Variants in CDC42BPA observed in about 807,000 individuals in gnomAD.
The protein encoded by CDC42BPA is serine/threonine-protein kinase MRCK alpha.
In CDC42BPA, 80 loss-of-function variants were observed where a neutral mutation model predicts 223.5. The ratio of observed to expected loss-of-function variants is 0.36; its 90% CI spans 0.30 to 0.43. The LOEUF (loss-of-function observed/expected upper bound fraction) is 0.43. CDC42BPA is among the 20% of genes least tolerant of loss of function. The pLI, the probability that CDC42BPA is intolerant of heterozygous loss-of-function variation, is 1.00. For missense variants in CDC42BPA, 1,743 were observed against 2,099.9 expected (o/e 0.83, Z 3.32); for synonymous variants, 694 against 718.6 (o/e 0.97, Z 0.55).
chr1:227,010,950 A>G (rs1259868677), intron 34 of CDC42BPA: 1 of 1,365,014 alleles, frequency 7.3e-7, no homozygotes, highest in Non-Finnish European at 9.8e-7. Flanking sequence ...TTATGGAATC[A>G]GGAGAGAGAA....
rs752767194 is a variant in CDC42BPA at position 226,994,327 on chromosome 1, G to GA, written c.5205_5206insT (p.Pro1736SerfsTer13). 3 of 1,599,580 alleles carry GA rather than the reference G, an allele frequency of 1.9e-6. No homozygotes were observed. The highest frequency in any genetic ancestry group is 2.6e-6 in the Non-Finnish European group (3 of 1,171,932). ...AGGGAGAGGCTCTTGGTTTTTCGGGGTGAAGCTGGGCTTGGGGGGCTGCTT... is the reference window on the plus strand; with the variant it reads ...AGGGAGAGGCTCTTGGTTTTTCGGGGATGAAGCTGGGCTTGGGGGGCTGCTT... On this transcript the variant is annotated frameshift_variant, in exon 37 of 37. Coordinates refer to ENST00000366766, the MANE Select transcript of CDC42BPA (RefSeq NM_001394014.1). LOFTEE classifies it high-confidence loss of function. This position sits in a 1 kb window ranked among gnomAD's most constrained non-coding sequence, Gnocchi z 4.0.
intron 5 of CDC42BPA, among the ~76,000 whole-genome samples, chr1:227,174,232 T>C (rs1232488470): frequency 6.6e-6 from 1 of 152,140 alleles, no homozygotes; most frequent in East Asian, 1.9e-4. Context: ...TTCACAATAC[T>C]ATAAAAATAG....
At position 227,101,255 on chromosome 1, in the gene CDC42BPA, C is replaced by A; in HGVS notation, c.2002-16G>T. On this transcript the variant is annotated splice_polypyrimidine_tract_variant and intron_variant, in intron 14 of 36. Coordinates refer to ENST00000366766, the MANE Select transcript of CDC42BPA (RefSeq NM_001394014.1). ...TTTGTTTTTGCTATAGAAATAATAA[C>A]AAAAGATTAGTGCATCTACAAGAAT... is the stretch of plus-strand genomic sequence containing the variant. 6.8e-7 allele frequency: 1 copy of A among 1,462,362 alleles called. No homozygotes were observed. Among genetic ancestry groups the A allele is most frequent in the Non-Finnish European group, 9.2e-7 (1 of 1,084,418 alleles). The allele number at this position is 1,462,362 out of a possible 1,614,324, so 90.6% of individuals were successfully genotyped here.
intron 3 of CDC42BPA, among the ~76,000 whole-genome samples, chr1:227,207,088 C>G (rs1303768830): frequency 2.9e-5 from 3 of 103,510 alleles, no homozygotes; most frequent in Admixed American, 1.1e-4. Flanking sequence ...CCCCTCCCCC[C>G]ACCCCACAAC....
At chr1:227,251,025 C>T (rs192849519) in intron 2 of CDC42BPA, among the ~76,000 whole-genome samples, 1 of 152,064 alleles carries the variant, frequency 6.6e-6, no homozygotes, top group Admixed American at 6.6e-5. Flanking sequence ...TGCACTGCAG[C>T]CAGAGAGACA....
intron 5 of CDC42BPA, among the ~76,000 whole-genome samples, chr1:227,179,163 A>G (rs558207826): frequency 1.1e-4 from 17 of 152,322 alleles, no homozygotes; most frequent in African/African-American, 3.8e-4. Flanking sequence ...ATGGTTGCTT[A>G]AGGCTGGGGA....
At position 226,998,461 on chromosome 1, in the gene CDC42BPA, A is replaced by AAC. The variant is rs559889025; in HGVS notation, c.4976-3483_4976-3482dup. Among the ~76,000 whole-genome samples, 22 of 152,318 alleles carry AAC rather than the reference A, an allele frequency of 1.4e-4. No homozygotes were observed. The East Asian group carries it at 4.2e-3, about 29-fold the overall frequency. ...CCAAAACAGAGATATAGACCAATGG[A>AAC]ACACAATAGAGGCCTCAGAAGTAAT... is the stretch of plus-strand genomic sequence containing the variant. On this transcript the variant is annotated intron_variant, in intron 35 of 36. Transcript: ENST00000366766.
At chr1:227,113,147 C>T (rs1687198536) in intron 12 of CDC42BPA, among the ~76,000 whole-genome samples, 1 of 152,118 alleles carries the variant, frequency 6.6e-6, no homozygotes, top group Non-Finnish European at 1.5e-5. Flanking sequence ...CCTTATAGTA[C>T]CTTAGTTTCC....
At chr1:227,303,473 C>G (rs1410592837) in intron 1 of CDC42BPA, among the ~76,000 whole-genome samples, 1 of 152,172 alleles carries the variant, frequency 6.6e-6, no homozygotes, top group Non-Finnish European at 1.5e-5. Context: ...CTAAGAACAT[C>G]CAACATTTGT....
At chr1:227,073,165 G>C (rs902639834) in intron 19 of CDC42BPA, among the ~76,000 whole-genome samples, 1 of 152,012 alleles carries the variant, frequency 6.6e-6, no homozygotes, top group African/African-American at 2.4e-5. Context: ...GCAGTCAATG[G>C]ATTTTCGTAT....
At chr1:227,233,638 A>G (rs1678444655) in intron 2 of CDC42BPA, among the ~76,000 whole-genome samples, 1 of 152,160 alleles carries the variant, frequency 6.6e-6, no homozygotes, top group African/African-American at 2.4e-5. Context: ...TAACCCTTTC[A>G]AAGAGCCATT....
At chr1:227,228,618 A>G (rs950918446) in intron 2 of CDC42BPA, among the ~76,000 whole-genome samples, 10 of 152,198 alleles carry the variant, frequency 6.6e-5, no homozygotes, top group African/African-American at 2.4e-4. Flanking sequence ...ATTTCTTTAC[A>G]AAGTGGTTAC....
In CDC42BPA at chr1:227,029,008, G is replaced by C; in HGVS notation, c.4081C>G (p.Leu1361Val). ...CLCVAMKRQV[L>V]CYELFQSKTR... Reference sequence around the variant, plus strand: ...TTGCTCTGAAATAGTTCATAACAGAGGACCTGCCTTTTCATAGCCACACAC... The same window carrying C: ...TTGCTCTGAAATAGTTCATAACAGACGACCTGCCTTTTCATAGCCACACAC... The change falls in exon 30 of 37, where the codon CTC becomes GTC. Residue 1361 changes from leucine to valine, a missense_variant. This residue lies in a region of CDC42BPA where 678 missense variants were observed against 777.5 expected (regional missense o/e 0.87). Transcript: ENST00000366766. 1.2e-6 allele frequency: 2 copies of C among 1,614,078 alleles called. No homozygotes were observed. Among genetic ancestry groups the C allele is most frequent in the Admixed American group, 1.7e-5 (1 of 60,026 alleles).
At chr1:227,149,628 AAT>A (rs1351494403) in intron 6 of CDC42BPA, among the ~76,000 whole-genome samples, 1 of 152,238 alleles carries the variant, frequency 6.6e-6, no homozygotes, top group Non-Finnish European at 1.5e-5. Flanking sequence ...TAGAAATGAA[AAT>A]AGTCACTGAA....
intron 14 of CDC42BPA, among the ~76,000 whole-genome samples, chr1:227,102,912 T>C (rs1343782241): frequency 6.6e-6 from 1 of 152,078 alleles, no homozygotes; most frequent in African/African-American, 2.4e-5. Context: ...TAGCATTTTA[T>C]AAAATCCAGT....
intron 1 of CDC42BPA, among the ~76,000 whole-genome samples, chr1:227,302,294 T>C (rs916690642): frequency 1.3e-5 from 2 of 152,210 alleles, no homozygotes; most frequent in Non-Finnish European, 2.9e-5. Context: ...CCTGGGAAGC[T>C]CCTTATCCTA....
chr1:227,082,150 C>T (rs1484146253), intron 16 of CDC42BPA, among the ~76,000 whole-genome samples: 1 of 152,128 alleles, frequency 6.6e-6, no homozygotes, highest in Non-Finnish European at 1.5e-5. Flanking sequence ...ACTTCAGCCT[C>T]CCTAGTAGCT....
intron 10 of CDC42BPA, among the ~76,000 whole-genome samples, chr1:227,136,038 C>T (rs1255583755): frequency 6.6e-6 from 1 of 150,918 alleles, no homozygotes; most frequent in Non-Finnish European, 1.5e-5. Context: ...TTTGGAAAAG[C>T]AGAAAAGCAT....
At chr1:227,010,917 C>G (rs1159475621) in intron 34 of CDC42BPA, 1 of 1,365,044 alleles carries the variant, frequency 7.3e-7, no homozygotes, top group Non-Finnish European at 9.8e-7. Context: ...GGACAGAGCG[C>G]AGAGACGGGG....
Sources: gnomAD v4.1 joint callset for allele counts (sites outside exome capture counted in the v4.1 genomes callset) on GRCh38, gnomAD v4.1.1 for gene constraint, gnomAD v4.1.1 regional missense constraint, Gnocchi (gnomAD v3.1) non-coding constraint, MANE v1.5 for transcripts, NCBI Gene and HGNC (gene_info 2026-07-23, HGNC 2026-07-21) for gene names.